FARP1: variants seen among roughly 807,000 people sequenced by gnomAD.
FARP1 encodes FERM, ARH/RhoGEF and pleckstrin domain protein 1.
A neutral mutation model predicts 128.8 loss-of-function variants in FARP1; 52 were observed. The ratio of observed to expected loss-of-function variants is 0.40; its 90% CI spans 0.32 to 0.51. The LOEUF (loss-of-function observed/expected upper bound fraction) is 0.51, where lower values mean the gene tolerates loss of function less well. FARP1 is among the 20% of genes least tolerant of loss of function. FARP1 has a pLI of 0.45. For synonymous variants in FARP1, 580 were observed against 551.8 expected (o/e 1.05, Z -0.72); for missense variants, 1,333 against 1,367.9 (o/e 0.97, Z 0.40).
intron 2 of FARP1, among the ~76,000 whole-genome samples, chr13:98,283,596 C>T (rs972580082): frequency 3.3e-5 from 5 of 151,934 alleles, no homozygotes; most frequent in Admixed American, 6.6e-5. Flanking sequence ...ATAAACCTTC[C>T]GATTTTATCA....
At chr13:98,362,266 G>A (rs1335036014) in intron 3 of FARP1, among the ~76,000 whole-genome samples, 4 of 152,104 alleles carry the variant, frequency 2.6e-5, no homozygotes, top group African/African-American at 9.7e-5. Context: ...AACAAAACAA[G>A]CAAGTGAACA....
chr13:98,366,307 A>G lies in FARP1; in HGVS notation c.319+870A>G, dbSNP rs1227114827. ...ACAATTTCTGTGTGGCCCGTGTGCA[A>G]TTGAAATTGATGTTGATCATCTACA... On this transcript the variant is annotated intron_variant, in intron 4 of 26. Coordinates refer to ENST00000319562, the MANE Select transcript of FARP1 (RefSeq NM_005766.4). 2.6e-5 allele frequency among the ~76,000 whole-genome samples: 4 copies of G among 152,234 alleles called. 1 individual carries two copies. The highest frequency in any genetic ancestry group is 5.9e-5 in the Non-Finnish European group (4 of 68,040).
At chr13:98,163,723 T>TC (rs1253332295) in intron 1 of FARP1, among the ~76,000 whole-genome samples, 7 of 151,568 alleles carry the variant, frequency 4.6e-5, no homozygotes, top group Admixed American at 3.9e-4. Flanking sequence ...CTTTTTTTTT[T>TC]TTGAGACGGA....
chr13:98,259,048 C>CA (rs1281032585), intron 2 of FARP1, among the ~76,000 whole-genome samples: 1 of 150,478 alleles, frequency 6.6e-6, no homozygotes, highest in Non-Finnish European at 1.5e-5. Context: ...TCTGTCTCTA[C>CA]AAAAAATAAA....
chr13:98,417,455 G>GA (rs869304302), intron 16 of FARP1, among the ~76,000 whole-genome samples: 2,335 of 58,144 alleles, frequency 0.04, 313 homozygotes, highest in Non-Finnish European at 0.045. Flanking sequence ...CCAGAGGTTT[G>GA]AAAAAAAAAA....
chr13:98,394,504 T>C (rs1471119737), intron 12 of FARP1, among the ~76,000 whole-genome samples: 2 of 152,190 alleles, frequency 1.3e-5, no homozygotes, highest in East Asian at 3.9e-4. Context: ...CGTAGAAGCT[T>C]TACAAGCCCA....
intron 2 of FARP1, among the ~76,000 whole-genome samples, chr13:98,303,814 C>T (rs962790059): frequency 6.6e-6 from 1 of 152,098 alleles, no homozygotes; most frequent in Non-Finnish European, 1.5e-5. Context: ...AAAGGTTAAG[C>T]GCCAGAGGAG....
rs11839226 is a variant in FARP1, at chr13:98,444,231, C to T, written c.2797-1867C>T. Among the ~76,000 whole-genome samples the T allele has an allele frequency of 5.3e-3, 803 of 152,240 alleles. 4 individuals carry two copies. Among genetic ancestry groups the T allele is most frequent in the African/African-American group, 0.017 (706 of 41,536 alleles). ...GACACGGCTCGTGCTGGGCTTAGGG[C>T]TCGTCCTAGTGACCTTACCTTGACT... On this transcript the variant is annotated intron_variant, in intron 24 of 26. Coordinates refer to ENST00000319562, the MANE Select transcript of FARP1 (RefSeq NM_005766.4).
At chr13:98,396,028 C>T (rs1245366941) in intron 13 of FARP1, 1 of 399,066 alleles carries the variant, frequency 2.5e-6, no homozygotes, top group African/African-American at 2.1e-5. Context: ...CCCCACCTCG[C>T]CAAGGCCATA....
chr13:98,292,017 T>C (rs608714), intron 2 of FARP1, among the ~76,000 whole-genome samples: 137,707 of 152,272 alleles, frequency 0.9, 62,383 homozygotes, highest in East Asian at 1. Context: ...GGTGGGTGGA[T>C]ATTGAAAAGG....
intron 2 of FARP1, among the ~76,000 whole-genome samples, chr13:98,256,868 GTT>G (rs61649881): frequency 0.063 from 7,109 of 113,086 alleles, 634 homozygotes; most frequent in African/African-American, 0.2. Flanking sequence ...CCTTACTACA[GTT>G]TTTTTTTTTT....
intron 2 of FARP1, among the ~76,000 whole-genome samples, chr13:98,304,857 A>G (rs1439559316): frequency 1.3e-5 from 2 of 152,238 alleles, no homozygotes; most frequent in African/African-American, 4.8e-5. Context: ...CCATTGGAAC[A>G]TGCTGTTCAT....
At chr13:98,319,578 C>G (rs1886900653) in intron 2 of FARP1, among the ~76,000 whole-genome samples, 2 of 152,266 alleles carry the variant, frequency 1.3e-5, no homozygotes, top group Admixed American at 1.3e-4. Context: ...TGAGATTGCG[C>G]CACTGCACTC....
At chr13:98,409,269 A>G (rs764771406) in intron 13 of FARP1, 69 bp from the exon 14 acceptor site, 26 of 1,206,770 alleles carry the variant, frequency 2.2e-5, no homozygotes, top group Non-Finnish European at 2.4e-5. Context: ...AGGTGAAAGT[A>G]GTGAATAGAA....
intron 2 of FARP1, among the ~76,000 whole-genome samples, chr13:98,314,194 T>A (rs1185220906): frequency 6.6e-6 from 1 of 151,838 alleles, no homozygotes; most frequent in Non-Finnish European, 1.5e-5. Context: ...GGTGAGAAAG[T>A]GAAAGTAGCA....
intron 24 of FARP1, among the ~76,000 whole-genome samples, chr13:98,442,248 G>C (rs1470885498): frequency 1.3e-5 from 2 of 152,228 alleles, no homozygotes; most frequent in Non-Finnish European, 2.9e-5. Context: ...GCCAGGACAG[G>C]AGTTTGCTGG....
intron 1 of FARP1, among the ~76,000 whole-genome samples, chr13:98,145,534 A>G (rs1351751871): frequency 6.7e-6 from 1 of 148,930 alleles, no homozygotes; most frequent in Non-Finnish European, 1.5e-5. Context: ...AGAGTTTACA[A>G]GGAACCTGGA....
intron 2 of FARP1, among the ~76,000 whole-genome samples, chr13:98,231,027 A>G (rs904482186): frequency 6.6e-6 from 1 of 152,112 alleles, no homozygotes; most frequent in Non-Finnish European, 1.5e-5. Context: ...AGACTTATTC[A>G]CTACCACGAG....
rs538216615 is a variant in FARP1, at chr13:98,451,438, C to A, written c.*3121C>A. The A allele has an allele frequency of 6.6e-6, 1 of 152,296 alleles. No homozygotes were observed. The highest frequency in any genetic ancestry group is 2.4e-5 in the African/African-American group (1 of 41,550). 9.4% of individuals were successfully genotyped at this position (152,296 alleles called of 1,614,324 possible). On this transcript the variant is annotated 3_prime_UTR_variant, in exon 27 of 27. Coordinates refer to ENST00000319562, the MANE Select transcript of FARP1 (RefSeq NM_005766.4). ...TAGCAACTCAGTTCTATTTCCCCAA[C>A]CAAAATATATCCCTTATACAAATTA...
Sources: gnomAD v4.1 joint callset for allele counts (sites outside exome capture counted in the v4.1 genomes callset) on GRCh38, gnomAD v4.1.1 for gene constraint, MANE v1.5 for transcripts, NCBI Gene and HGNC (gene_info 2026-07-23, HGNC 2026-07-21) for gene names.